Variants in INSC observed in about 807,000 individuals in gnomAD.
INSC encodes the protein protein inscuteable homolog.
In INSC, 67 loss-of-function variants were observed where a neutral mutation model predicts 58.6. The observed-to-expected ratio is 1.14, with a 90% CI of 0.94 to 1.40. INSC has a LOEUF of 1.40. Among genes scored for constraint, INSC ranks in the 40% most tolerant of loss-of-function variants. The pLI, the probability that INSC is intolerant of heterozygous loss-of-function variation, is 0.00. For synonymous variants in INSC, 262 were observed against 276.1 expected (o/e 0.95, Z 0.51); for missense variants, 714 against 692.0 (o/e 1.03, Z -0.36).
intron 5 of INSC, chr11:15,188,214 A>G (rs866068717): frequency 2.0e-6 from 2 of 985,338 alleles, no homozygotes; most frequent in Non-Finnish European, 2.4e-6. Flanking sequence ...TTACCAATAC[A>G]TAGTGTTAGA....
chr11:15,194,359 G>C (rs55978909), intron 6 of INSC, among the ~76,000 whole-genome samples: 3,583 of 152,222 alleles, frequency 0.024, 129 homozygotes, highest in East Asian at 0.066. Flanking sequence ...ACTCGGTATC[G>C]CAGTCCCTCA....
intron 6 of INSC, among the ~76,000 whole-genome samples, chr11:15,192,304 C>T (rs1305403232): frequency 2.0e-5 from 3 of 152,146 alleles, no homozygotes; most frequent in East Asian, 1.9e-4. Flanking sequence ...ATATCATGGC[C>T]TTTGCACCTT....
At chr11:15,229,947 ATT>A (rs1564916762) in intron 9 of INSC, among the ~76,000 whole-genome samples, 5 of 38,842 alleles carry the variant, frequency 1.3e-4, no homozygotes, top group East Asian at 8.5e-4. Context: ...TATATATAAT[ATT>A]ATATATATAT....
intron 2 of INSC, among the ~76,000 whole-genome samples, chr11:15,168,152 A>T (rs1174583624): frequency 6.6e-6 from 1 of 152,098 alleles, no homozygotes; most frequent in African/African-American, 2.4e-5. Context: ...CACATGCAGG[A>T]TGTGCAGGTT....
At chr11:15,183,882 C>T (rs1849871627) in intron 5 of INSC, among the ~76,000 whole-genome samples, 3 of 152,140 alleles carry the variant, frequency 2.0e-5, no homozygotes, top group African/African-American at 7.2e-5. Flanking sequence ...GTCTATTTTG[C>T]CAAAATATTT....
intron 1 of INSC, among the ~76,000 whole-genome samples, chr11:15,145,253 A>T (rs902796422): frequency 3.3e-5 from 5 of 152,062 alleles, no homozygotes; most frequent in Non-Finnish European, 5.9e-5. Flanking sequence ...AGGAAACCAC[A>T]TTTTCCGTGG....
At chr11:15,177,967 T>A (rs2133828589) in intron 4 of INSC, among the ~76,000 whole-genome samples, 1 of 152,336 alleles carries the variant, frequency 6.6e-6, no homozygotes, top group Middle Eastern at 3.4e-3. Flanking sequence ...ACTTGGCACC[T>A]CTCTTTGAAG....
At chr11:15,144,091 C>T (rs1440598886) in intron 1 of INSC, among the ~76,000 whole-genome samples, 2 of 152,180 alleles carry the variant, frequency 1.3e-5, no homozygotes, top group Non-Finnish European at 2.9e-5. Flanking sequence ...GTGTTTTACT[C>T]TTGCTGCAAA....
chr11:15,234,227 C>T (rs1852034764), intron 9 of INSC, among the ~76,000 whole-genome samples: 2 of 152,210 alleles, frequency 1.3e-5, no homozygotes, highest in South Asian at 4.1e-4. Context: ...AACCAGGCCC[C>T]TGATGGGGTC....
At chr11:15,140,302 C>G (rs1356111382) in intron 1 of INSC, among the ~76,000 whole-genome samples, 1 of 152,144 alleles carries the variant, frequency 6.6e-6, no homozygotes, top group Non-Finnish European at 1.5e-5. Flanking sequence ...ATTTCCCTGC[C>G]CACTCTTTAT....
At chr11:15,126,237 C>G (rs1259810853) in intron 1 of INSC, among the ~76,000 whole-genome samples, 1 of 151,976 alleles carries the variant, frequency 6.6e-6, no homozygotes, top group South Asian at 2.1e-4. Flanking sequence ...CTTGTGTGAA[C>G]CTGCTTGGCC....
chr11:15,182,471 GA>G lies in INSC; in HGVS notation c.579+4031del, dbSNP rs201080965. 7.2e-3 allele frequency among the ~76,000 whole-genome samples: 1,089 copies of G among 152,186 alleles called. 14 individuals carry two copies. The highest frequency in any genetic ancestry group is 0.024 in the African/African-American group (1,014 of 41,518). ...TGGTACTATGTTTACCATATATGGG[GA>G]AAAAAATGCCTCCTTTCTCATTGAC... On this transcript the variant is annotated intron_variant, in intron 5 of 12. Coordinates refer to ENST00000379556, the MANE Select transcript of INSC (RefSeq NM_001042536.3).
At chr11:15,217,693 A>G (rs1416129322) in intron 7 of INSC, among the ~76,000 whole-genome samples, 1 of 152,174 alleles carries the variant, frequency 6.6e-6, no homozygotes, top group African/African-American at 2.4e-5. Context: ...GGCCCCTATG[A>G]AAAGATGCTA....
chr11:15,149,467 G>A (rs146861352), intron 2 of INSC, among the ~76,000 whole-genome samples: 3 of 152,340 alleles, frequency 2.0e-5, no homozygotes, highest in East Asian at 3.9e-4. Flanking sequence ...GAAGTCTAAT[G>A]CTGAGGCTGA....
At chr11:15,235,283 G>C (rs1281067525) in intron 9 of INSC, 6 of 383,940 alleles carry the variant, frequency 1.6e-5, no homozygotes. Flanking sequence ...TGCATTTCAG[G>C]ACTGGGGACC....
At chr11:15,225,862 C>T (rs754151134) in intron 9 of INSC, 34 bp downstream of exon 9, 4 of 1,592,000 alleles carry the variant, frequency 2.5e-6, no homozygotes, top group Admixed American at 1.7e-5. Context: ...GCACAGGGCC[C>T]ATAGCCATGG....
intron 1 of INSC, among the ~76,000 whole-genome samples, chr11:15,118,194 G>A (rs1375784510): frequency 6.6e-6 from 1 of 152,178 alleles, no homozygotes; most frequent in Non-Finnish European, 1.5e-5. Flanking sequence ...AGGAGCACAT[G>A]AAGGGCTTTA....
At chr11:15,233,718 C>T (rs1261559528) in intron 9 of INSC, among the ~76,000 whole-genome samples, 3 of 145,756 alleles carry the variant, frequency 2.1e-5, no homozygotes, top group African/African-American at 8.2e-5. Flanking sequence ...CCTTTACCTC[C>T]CTTCCTCCCT....
chr11:15,149,986 A>G (rs540715038), intron 2 of INSC, among the ~76,000 whole-genome samples: 3 of 152,380 alleles, frequency 2.0e-5, no homozygotes, highest in African/African-American at 4.8e-5. Flanking sequence ...GGAAGACTCC[A>G]GACTGACTTA....
Sources: gnomAD v4.1 joint callset for allele counts (sites outside exome capture counted in the v4.1 genomes callset) on GRCh38, gnomAD v4.1.1 for gene constraint, MANE v1.5 for transcripts, NCBI Gene and HGNC (gene_info 2026-07-23, HGNC 2026-07-21) for gene names.